The following REV3L variants were observed in gnomAD, a reference collection of about 807,000 sequenced individuals.
REV3L encodes REV3 like, DNA directed polymerase zeta catalytic subunit.
A neutral mutation model predicts 299.4 loss-of-function variants in REV3L; 69 were observed. That is an observed-to-expected ratio of 0.23 (90% CI 0.19 to 0.28). REV3L has a LOEUF of 0.28. Ranked by LOEUF, REV3L falls within the 10% of genes least tolerant of loss-of-function variation. The pLI, the probability that REV3L is intolerant of heterozygous loss-of-function variation, is 1.00. For synonymous variants in REV3L, 1,238 were observed against 1,271.4 expected (o/e 0.97, Z 0.56); for missense variants, 3,128 against 3,693.8 (o/e 0.85, Z 3.97).
rs769829745 is a variant in REV3L at position 111,367,539 on chromosome 6, T to A, written c.6249A>T (p.Gly2083=). The A allele has an allele frequency of 1.2e-6, 2 of 1,613,182 alleles. No homozygotes were observed. Among genetic ancestry groups the A allele is most frequent in the African/African-American group, 2.7e-5 (2 of 75,052 alleles). Residue 2083 remains glycine, a synonymous_variant, in exon 14 of 32, where the codon GGA becomes GGT. Coordinates refer to ENST00000368802, the MANE Select transcript of REV3L (RefSeq NM_001372078.1). The stretch of plus-strand genomic sequence containing the variant: ...GACTTTCACTTGCAGTTTGACTACA[T>A]CCCGTGGTTGGTGCTTGTAAAGCAA... ...SQIALQAPTT[G]CSQTASESQM... is the part of the protein sequence containing the mutation.
intron 31 of REV3L, among the ~76,000 whole-genome samples, chr6:111,302,694 C>A (rs1349476903): frequency 6.6e-6 from 1 of 152,110 alleles, no homozygotes; most frequent in Admixed American, 6.5e-5. Flanking sequence ...CACCTGAGGT[C>A]AGGAGTTTGA....
chr6:111,393,540 TA>T (rs1782158758), intron 4 of REV3L, among the ~76,000 whole-genome samples: 1 of 152,192 alleles, frequency 6.6e-6, no homozygotes. Flanking sequence ...TTGAAATATA[TA>T]ATGTATTGTT....
At chr6:111,424,335 C>G (rs185900454) in intron 1 of REV3L, among the ~76,000 whole-genome samples, 1 of 152,244 alleles carries the variant, frequency 6.6e-6, no homozygotes, top group East Asian at 1.9e-4. Flanking sequence ...GTATATAGGA[C>G]TGAAAAGAGG....
chr6:111,306,156 G>A (rs1312739184), intron 31 of REV3L, among the ~76,000 whole-genome samples: 1 of 152,138 alleles, frequency 6.6e-6, no homozygotes, highest in Admixed American at 6.5e-5. Context: ...CCAAATCACA[G>A]TAAAGCAGAG....
chr6:111,353,793 C>T (rs942767498), intron 18 of REV3L: 4 of 152,196 alleles, frequency 2.6e-5, no homozygotes, highest in African/African-American at 9.7e-5. Context: ...CAACATAACA[C>T]CCAAACCCTT....
intron 1 of REV3L, among the ~76,000 whole-genome samples, chr6:111,449,001 G>C (rs1789193896): frequency 6.6e-6 from 1 of 152,012 alleles, no homozygotes; most frequent in Admixed American, 6.6e-5. Context: ...TGTGGTCTTT[G>C]CAAACAAATC....
In REV3L at chr6:111,435,627, A is replaced by C. The variant is rs1787459393; in HGVS notation, c.140-19155T>G. Among the ~76,000 whole-genome samples the C allele has an allele frequency of 2.0e-5, 3 of 152,194 alleles. No homozygotes were observed. The South Asian group carries it at 6.2e-4, about 32-fold the overall frequency. On this transcript the variant is annotated intron_variant, in intron 1 of 31. Coordinates refer to ENST00000368802, the MANE Select transcript of REV3L (RefSeq NM_001372078.1). The stretch of plus-strand genomic sequence containing the variant: ...ACCACATGCAGAACAATGAAACTAA[A>C]AACAGAACCTCCTTATCTCTCACCA...
rs1778956590 is a variant in REV3L, at chr6:111,363,991, A to C, written c.6754-13T>G. 2.6e-6 allele frequency: 4 copies of C among 1,512,590 alleles called. No homozygotes were observed. The highest frequency in any genetic ancestry group is 3.6e-6 in the Non-Finnish European group (4 of 1,121,460). 93.7% of individuals were successfully genotyped at this position (1,512,590 alleles called of 1,614,324 possible). On this transcript the variant is annotated splice_polypyrimidine_tract_variant and intron_variant, in intron 15 of 31. Coordinates refer to ENST00000368802, the MANE Select transcript of REV3L (RefSeq NM_001372078.1). ...CTGCAAATTGATTCTATAAAAAAAA[A>C]CACACACACACACAGCCAGAAAAAG...
intron 1 of REV3L, 152 bp downstream of exon 1, chr6:111,482,598 G>A (rs942177033): frequency 1.8e-4 from 60 of 327,122 alleles, no homozygotes; most frequent in Non-Finnish European, 2.5e-4. Flanking sequence ...ACGCACGAGA[G>A]AAAAGGCGAG....
At chr6:111,379,281 CTGTT>C (rs1314829900) in intron 11 of REV3L, among the ~76,000 whole-genome samples, 1 of 152,126 alleles carries the variant, frequency 6.6e-6, no homozygotes, top group Non-Finnish European at 1.5e-5. Context: ...ATGGATTAAC[CTGTT>C]TCACCTTTCA....
At chr6:111,358,755 A>C in intron 17 of REV3L, 67 bp downstream of exon 17, 7 of 1,207,852 alleles carry the variant, frequency 5.8e-6, no homozygotes, top group South Asian at 1.6e-5. Flanking sequence ...TCTTCAGCAC[A>C]GGAATTCCCC....
rs1003510562 is a variant in REV3L, at chr6:111,422,622, A to G, written c.140-6150T>C. 3.0e-4 allele frequency among the ~76,000 whole-genome samples: 9 copies of G among 29,664 alleles called. 2 individuals carry two copies. Among genetic ancestry groups the G allele is most frequent in the Non-Finnish European group, 7.2e-4 (6 of 8,330 alleles). 19.5% of individuals were successfully genotyped at this position (29,664 alleles called of 152,430 possible). ...CATATATATATATATACACATATATATATATATACACATATATATATATAT... is the reference window on the plus strand; with the variant it reads ...CATATATATATATATACACATATATGTATATATACACATATATATATATAT... On this transcript the variant is annotated intron_variant, in intron 1 of 31. Transcript: ENST00000368802.
In REV3L at chr6:111,299,901, C is replaced by T; in HGVS notation, c.*115G>A. The T allele has an allele frequency of 1.0e-6, 1 of 993,870 alleles. No homozygotes were observed. The highest frequency in any genetic ancestry group is 1.9e-5 in the South Asian group (1 of 53,422). The allele number at this position is 993,870 out of a possible 1,614,324, so 61.6% of individuals were successfully genotyped here. A position where few individuals can be genotyped will look rare whatever the true frequency, so the allele number is the denominator to read the frequency against. On this transcript the variant is annotated 3_prime_UTR_variant, in exon 32 of 32. Coordinates refer to ENST00000368802, the MANE Select transcript of REV3L (RefSeq NM_001372078.1). ...TTAGCATAGAAGTCTTCATAGTCTT[C>T]AGATAACAGACAGTGAACATCCTTG...
chr6:111,307,865 C>T (rs1772505227), intron 30 of REV3L: 2 of 337,664 alleles, frequency 5.9e-6, no homozygotes, highest in Non-Finnish European at 5.6e-6. Context: ...ATACATGTGC[C>T]ATGTTGGTTT....
chr6:111,308,573 A>C (rs1392652564), intron 30 of REV3L, among the ~76,000 whole-genome samples: 2 of 152,180 alleles, frequency 1.3e-5, no homozygotes, highest in African/African-American at 4.8e-5. Context: ...CTTAAGTTGA[A>C]CCATCATAAG....
intron 1 of REV3L, among the ~76,000 whole-genome samples, chr6:111,476,808 G>C (rs1314799625): frequency 1.3e-5 from 2 of 152,084 alleles, no homozygotes; most frequent in African/African-American, 2.4e-5. Context: ...AGTTCAATAT[G>C]ATCATCATGC....
At chr6:111,451,816 T>C (rs1463632951) in intron 1 of REV3L, among the ~76,000 whole-genome samples, 1 of 149,266 alleles carries the variant, frequency 6.7e-6, no homozygotes, top group Non-Finnish European at 1.5e-5. Context: ...AAAGATTTCT[T>C]AGGTCACCAA....
chr6:111,418,719 C>T (rs1785015768), intron 1 of REV3L, among the ~76,000 whole-genome samples: 1 of 152,208 alleles, frequency 6.6e-6, no homozygotes, highest in Admixed American at 6.5e-5. Flanking sequence ...TCAATGTTGG[C>T]TTCCTTAATT....
chr6:111,311,756 T>C (rs922137440), intron 28 of REV3L: 2 of 152,168 alleles, frequency 1.3e-5, no homozygotes, highest in African/African-American at 2.4e-5. Context: ...ATTTTCTGTG[T>C]TGGAAATTTC....
Sources: gnomAD v4.1 joint callset for allele counts (sites outside exome capture counted in the v4.1 genomes callset) on GRCh38, gnomAD v4.1.1 for gene constraint, MANE v1.5 for transcripts, NCBI Gene and HGNC (gene_info 2026-07-23, HGNC 2026-07-21) for gene names.